Variants in RGL1 observed in about 807,000 individuals in gnomAD.
The protein encoded by RGL1 is ral guanine nucleotide dissociation stimulator-like 1.
In RGL1, 24 loss-of-function variants were observed where a neutral mutation model predicts 95.2. The observed-to-expected ratio is 0.25, with a 90% CI of 0.18 to 0.35. The LOEUF is 0.35. RGL1 is among the 10% of genes least tolerant of loss of function. The pLI, the probability that RGL1 is intolerant of heterozygous loss-of-function variation, is 1.00. For synonymous variants in RGL1, 329 were observed against 344.9 expected (o/e 0.95, Z 0.51); for missense variants, 715 against 936.3 (o/e 0.76, Z 3.08).
At position 183,866,746 on chromosome 1, in the gene RGL1, A is replaced by C. The variant is rs936596325; in HGVS notation, c.425+673A>C. Among the ~76,000 whole-genome samples, 18 of 152,208 alleles carry C rather than the reference A, an allele frequency of 1.2e-4. 1 individual carries two copies. Among genetic ancestry groups the C allele is most frequent in the Admixed American group, 1.2e-3 (18 of 15,274 alleles). On this transcript the variant is annotated intron_variant, in intron 4 of 17. Coordinates refer to ENST00000360851, the MANE Select transcript of RGL1 (RefSeq NM_001297671.3). ...TTTGAGAAGAGTGCTGTGGCCTGAC[A>C]CATCTTAAAAGACCCGCTCTGGCTC...
At chr1:183,916,902 T>C (rs1669012535) in intron 16 of RGL1, among the ~76,000 whole-genome samples, 1 of 152,158 alleles carries the variant, frequency 6.6e-6, no homozygotes, top group Admixed American at 6.5e-5. Flanking sequence ...AAAATATATA[T>C]ACATATATAT....
intron 2 of RGL1, among the ~76,000 whole-genome samples, chr1:183,841,352 T>G (rs1664045601): frequency 6.6e-6 from 1 of 152,222 alleles, no homozygotes; most frequent in Non-Finnish European, 1.5e-5. Flanking sequence ...ATTCATTATT[T>G]CTCTGAAATT....
chr1:183,812,411 C>T (rs1005997225), intron 2 of RGL1, among the ~76,000 whole-genome samples: 16 of 152,156 alleles, frequency 1.1e-4, no homozygotes, highest in African/African-American at 3.9e-4. Flanking sequence ...TCCCTCGCTG[C>T]TGTTGCATAT....
chr1:183,833,989 G>A (rs1181928480), intron 2 of RGL1, among the ~76,000 whole-genome samples: 1 of 142,268 alleles, frequency 7.0e-6, no homozygotes, highest in Non-Finnish European at 1.5e-5. Flanking sequence ...TAGCATAGCA[G>A]CATAAAACTC....
intron 1 of RGL1, among the ~76,000 whole-genome samples, chr1:183,678,585 CT>C (rs141715708): frequency 4.7e-5 from 7 of 148,916 alleles, no homozygotes; most frequent in Admixed American, 1.4e-4. Context: ...TACTTTGTCT[CT>C]TTTTTTTTGA....
At chr1:183,906,843 G>C (rs191466574) in intron 13 of RGL1, among the ~76,000 whole-genome samples, 169 bp from the exon 14 acceptor site, 67 of 152,298 alleles carry the variant, frequency 4.4e-4, no homozygotes, top group African/African-American at 1.5e-3. Flanking sequence ...TGTCAAATCG[G>C]GCCGTGAAGT....
At chr1:183,925,814 G>A (rs903359951) in intron 17 of RGL1, among the ~76,000 whole-genome samples, 1 of 152,068 alleles carries the variant, frequency 6.6e-6, no homozygotes, top group African/African-American at 2.4e-5. Flanking sequence ...ACTTTTCTTG[G>A]CCTCTGTTTC....
intron 1 of RGL1, chr1:183,646,934 G>T (rs962597295): frequency 1.3e-5 from 2 of 152,224 alleles, no homozygotes. Flanking sequence ...TTGCTGATGA[G>T]ACAAGGCAAC....
chr1:183,893,839 T>C (rs1172866189), intron 9 of RGL1, among the ~76,000 whole-genome samples: 2 of 152,228 alleles, frequency 1.3e-5, no homozygotes, highest in Non-Finnish European at 2.9e-5. Flanking sequence ...ATCTTTTCAC[T>C]TTGTATCCCT....
At chr1:183,838,336 A>T (rs1663807049) in intron 2 of RGL1, among the ~76,000 whole-genome samples, 1 of 152,080 alleles carries the variant, frequency 6.6e-6, no homozygotes, top group African/African-American at 2.4e-5. Context: ...TTCCTTCAGG[A>T]GGGTTCCTGG....
At chr1:183,862,198 C>G (rs1443582749) in intron 3 of RGL1, among the ~76,000 whole-genome samples, 4 of 152,034 alleles carry the variant, frequency 2.6e-5, no homozygotes, top group Admixed American at 6.6e-5. Flanking sequence ...AAAAAATTAG[C>G]CAGGCATGGT....
upstream of RGL1, among the ~76,000 whole-genome samples, chr1:183,800,642 A>G (rs111646724): frequency 6.6e-6 from 1 of 152,206 alleles, no homozygotes; most frequent in East Asian, 1.9e-4. Context: ...TACACACTGA[A>G]CAGGAATTCC....
intron 2 of RGL1, among the ~76,000 whole-genome samples, chr1:183,743,459 T>C (rs1277196540): frequency 2.0e-5 from 3 of 152,168 alleles, no homozygotes; most frequent in Admixed American, 6.5e-5. Context: ...CCAGCAGCTG[T>C]TTTCTGAGAG....
At chr1:183,887,670 T>A (rs1221425056) in intron 7 of RGL1, among the ~76,000 whole-genome samples, 1 of 152,180 alleles carries the variant, frequency 6.6e-6, no homozygotes, top group Non-Finnish European at 1.5e-5. Context: ...TCCCTGCTAT[T>A]CAGTCACAGG....
rs189994729 is a variant in RGL1 at position 183,765,748 on chromosome 1, C to A, written c.132+23459C>A. Among the ~76,000 whole-genome samples the A allele has an allele frequency of 4.2e-3, 633 of 152,248 alleles. 4 individuals carry two copies. Among genetic ancestry groups the A allele is most frequent in the African/African-American group, 0.014 (598 of 41,576 alleles). ...GCCCTGGGTTGTAGCTGATTATAAG[C>A]TGCTTTTTGAGAAGAATCAAAGCAA... On this transcript the variant is annotated intron_variant, in intron 2 of 18. Coordinates refer to the RGL1 transcript ENST00000304685.
chr1:183,799,227 T>G (rs1181559450), intron 2 of RGL1, among the ~76,000 whole-genome samples: 1 of 152,146 alleles, frequency 6.6e-6, no homozygotes, highest in Non-Finnish European at 1.5e-5. Flanking sequence ...GAATAATAAT[T>G]GTATCTGCAA....
chr1:183,698,327 A>G (rs1654375124), intron 1 of RGL1, among the ~76,000 whole-genome samples: 1 of 152,066 alleles, frequency 6.6e-6, no homozygotes, highest in Admixed American at 6.6e-5. Context: ...TCCCTGGCTT[A>G]TTCACTCTTC....
chr1:183,802,942 A>G (rs934506017), upstream of RGL1, among the ~76,000 whole-genome samples: 4 of 152,252 alleles, frequency 2.6e-5, no homozygotes, highest in South Asian at 8.3e-4. Context: ...CATATTGACC[A>G]GGAGTACTTT....
rs1477684236 is a variant in RGL1 at position 183,773,730 on chromosome 1, ACG to A, written c.132+31443_132+31444del. On this transcript the variant is annotated intron_variant, in intron 2 of 18. Transcript: ENST00000304685. Reference sequence around the variant, plus strand: ...TCTGATTTACCCTTGTGGTCAGGTCACGCTTCCAAACTAACTCATTGTTGCCT... The same window carrying A: ...TCTGATTTACCCTTGTGGTCAGGTCACTTCCAAACTAACTCATTGTTGCCT... Among the ~76,000 whole-genome samples the A allele has an allele frequency of 2.0e-5, 3 of 152,252 alleles. No individual in the cohort carries two copies. The East Asian group carries it at 5.8e-4, about 29-fold the overall frequency.
Sources: allele counts gnomAD v4.1 joint callset (sites outside exome capture counted in the v4.1 genomes callset), GRCh38; gene constraint gnomAD v4.1.1; transcripts MANE v1.5; gene names NCBI Gene and HGNC (gene_info 2026-07-23, HGNC 2026-07-21).